The following SSH1 variants were observed in gnomAD, a reference collection of about 807,000 sequenced individuals.
SSH1 encodes slingshot protein phosphatase 1, also known as protein phosphatase Slingshot homolog 1.
Under a neutral mutation model 79.7 loss-of-function variants are expected in SSH1, and 43 were observed. That is an observed-to-expected ratio of 0.54 (90% CI 0.42 to 0.70). The LOEUF (loss-of-function observed/expected upper bound fraction) is 0.70. SSH1 is among the 30% of genes least tolerant of loss of function. The probability of loss-of-function intolerance (pLI) is 0.00; values close to 1 mark genes in which losing one functional copy is unlikely to be tolerated. For synonymous variants in SSH1, 599 were observed against 538.3 expected (o/e 1.11, Z -1.56); for missense variants, 1,206 against 1,358.8 (o/e 0.89, Z 1.77).
At chr12:108,823,996 T>C (rs1593095568) in intron 2 of SSH1, among the ~76,000 whole-genome samples, 2 of 152,326 alleles carry the variant, frequency 1.3e-5, no homozygotes, top group Middle Eastern at 3.4e-3. Flanking sequence ...AACAACTCCC[T>C]GATTAGGAGA....
At chr12:108,801,415 A>G (rs2036997844) in intron 11 of SSH1, among the ~76,000 whole-genome samples, 1 of 152,232 alleles carries the variant, frequency 6.6e-6, no homozygotes. Context: ...CAGGTTCTGT[A>G]GTTCTCTCAA....
chr12:108,829,534 A>T (rs1182710690), intron 2 of SSH1, among the ~76,000 whole-genome samples: 1 of 152,194 alleles, frequency 6.6e-6, no homozygotes. Flanking sequence ...AAGCTCTGAT[A>T]AGGGCAAAGA....
At chr12:108,808,821 C>CTTTTTT (rs148110288) in intron 7 of SSH1, among the ~76,000 whole-genome samples, 17 of 80,272 alleles carry the variant, frequency 2.1e-4, no homozygotes, top group South Asian at 5.8e-4. Context: ...TCTTTTACTT[C>CTTTTTT]TTTTTTTTTT....
At chr12:108,810,216 T>C (rs189638369) in intron 6 of SSH1, among the ~76,000 whole-genome samples, 1 of 151,176 alleles carries the variant, frequency 6.6e-6, no homozygotes, top group African/African-American at 2.4e-5. Context: ...AAAATACTAA[T>C]ATAAAATATA....
At chr12:108,814,448 C>T (rs963450073) in intron 5 of SSH1, among the ~76,000 whole-genome samples, 3 of 151,458 alleles carry the variant, frequency 2.0e-5, no homozygotes, top group Admixed American at 6.6e-5. Flanking sequence ...AGGCTTCTGG[C>T]GGGGACCTGG....
chr12:108,841,220 C>T (rs1202455451), intron 2 of SSH1, among the ~76,000 whole-genome samples: 2 of 152,188 alleles, frequency 1.3e-5, no homozygotes, highest in Non-Finnish European at 2.9e-5. Context: ...TGAAGATGAA[C>T]GCTGGTAACA....
intron 10 of SSH1, among the ~76,000 whole-genome samples, chr12:108,802,985 T>C (rs941259092): frequency 6.6e-5 from 10 of 152,294 alleles, no homozygotes; most frequent in Non-Finnish European, 1.5e-4. Context: ...TGGATCTTCA[T>C]GATGGAGTCT....
Position 108,788,417 on chromosome 12 carries a change from G to A in SSH1, c.2721C>T (p.His907=), listed in dbSNP as rs2036356499. The A allele has an allele frequency of 6.2e-7, 1 of 1,605,886 alleles. No individual in the cohort carries two copies. Among genetic ancestry groups the A allele is most frequent in the African/African-American group, 1.3e-5 (1 of 74,860 alleles). Residue 907 remains histidine (H), a synonymous_variant, in exon 15 of 15, where the codon CAC becomes CAT. Transcript: ENST00000326495. ...SPPPFFYRLD[H]TSSFSKDFLK... ...GAAAGTCTTTTGAGAAACTACTGGT[G>A]TGGTCCAGGCGGTAGAAGAAAGGAG... is the stretch of plus-strand genomic sequence containing the variant.
At chr12:108,793,245 T>G (rs2036594513) in intron 13 of SSH1, among the ~76,000 whole-genome samples, 1 of 152,218 alleles carries the variant, frequency 6.6e-6, no homozygotes, top group Non-Finnish European at 1.5e-5. Context: ...AAGTGGAGTA[T>G]GTACAGATCT....
chr12:108,855,175 C>T (rs1439954258), intron 1 of SSH1, among the ~76,000 whole-genome samples: 1 of 152,144 alleles, frequency 6.6e-6, no homozygotes, highest in Non-Finnish European at 1.5e-5. Flanking sequence ...TGAAGTACTG[C>T]CACATGCTAC....
At chr12:108,818,396 G>T in intron 3 of SSH1, 83 bp from the exon 4 acceptor site, 1 of 1,286,308 alleles carries the variant, frequency 7.8e-7, no homozygotes, top group Non-Finnish European at 1.1e-6. Flanking sequence ...GACTTTGAGG[G>T]CTTGGAAAAA....
chr12:108,810,770 C>A (rs2037544787), intron 6 of SSH1, among the ~76,000 whole-genome samples: 1 of 152,252 alleles, frequency 6.6e-6, no homozygotes, highest in East Asian at 1.9e-4. Context: ...GGCCCCTCAT[C>A]CCCCGACTGC....
At chr12:108,789,502 T>C (rs1204002495) in intron 14 of SSH1, among the ~76,000 whole-genome samples, 1 of 152,172 alleles carries the variant, frequency 6.6e-6, no homozygotes, top group Non-Finnish European at 1.5e-5. Flanking sequence ...TCCTGCCTTT[T>C]GGTCAGTGAG....
intron 5 of SSH1, among the ~76,000 whole-genome samples, chr12:108,812,089 G>A (rs1338043169): frequency 6.6e-6 from 1 of 152,078 alleles, no homozygotes; most frequent in Non-Finnish European, 1.5e-5. Context: ...CCCAGGTAGC[G>A]CCCTGCCCCA....
chr12:108,802,318 T>C lies in SSH1; in HGVS notation c.1001+4A>G. On this transcript the variant is annotated splice_donor_region_variant and intron_variant, in intron 11 of 14. Coordinates refer to ENST00000326495, the MANE Select transcript of SSH1 (RefSeq NM_018984.4). Reference sequence around the variant, plus strand: ...ACAGGGAAAGACAAGGGGAGGAGACTCACCCTGAGCCCTGCAGTTCCTCCA... The same window carrying C: ...ACAGGGAAAGACAAGGGGAGGAGACCCACCCTGAGCCCTGCAGTTCCTCCA... 6.2e-7 allele frequency: 1 copy of C among 1,613,664 alleles called. No individual in the cohort carries two copies. The highest frequency in any genetic ancestry group is 8.5e-7 in the Non-Finnish European group (1 of 1,179,688).
intron 2 of SSH1, among the ~76,000 whole-genome samples, chr12:108,827,825 G>A (rs1593103098): frequency 1.3e-5 from 2 of 152,174 alleles, no homozygotes; most frequent in Admixed American, 6.5e-5. Flanking sequence ...GGCAGCTGCC[G>A]CAGTTAGTTA....
chr12:108,829,555 C>G (rs1047661218), intron 2 of SSH1, among the ~76,000 whole-genome samples: 2 of 152,184 alleles, frequency 1.3e-5, no homozygotes, highest in African/African-American at 4.8e-5. Flanking sequence ...CAGCCATCCT[C>G]TTTAAGGAAT....
intron 2 of SSH1, among the ~76,000 whole-genome samples, chr12:108,833,326 C>A (rs962261500): frequency 6.6e-6 from 1 of 152,110 alleles, no homozygotes; most frequent in Admixed American, 6.6e-5. Context: ...AGCCCCTTCA[C>A]GAGGGCAGAA....
intron 14 of SSH1, 146 bp downstream of exon 14, chr12:108,792,140 C>G (rs1397734994): frequency 1.3e-6 from 2 of 1,504,490 alleles, no homozygotes; most frequent in Non-Finnish European, 1.8e-6. Flanking sequence ...GAGATGGGAG[C>G]TGGGGGCCCA....
Sources: allele counts gnomAD v4.1 joint callset (sites outside exome capture counted in the v4.1 genomes callset), GRCh38; gene constraint gnomAD v4.1.1; transcripts MANE v1.5; gene names NCBI Gene and HGNC (gene_info 2026-07-23, HGNC 2026-07-21).